Variants in TENM1 observed in about 807,000 individuals in gnomAD.
The protein encoded by TENM1 is teneurin-1.
In TENM1, 35 loss-of-function variants were observed where a neutral mutation model predicts 174.8. The observed-to-expected ratio is 0.20, with a 90% CI of 0.15 to 0.27. The LOEUF is 0.27. Ranked by LOEUF, TENM1 falls within the 10% of genes least tolerant of loss-of-function variation. The pLI is 1.00. For synonymous variants in TENM1, 781 were observed against 798.7 expected (o/e 0.98, Z 0.37); for missense variants, 1,633 against 2,130.1 (o/e 0.77, Z 4.59).
intron 23 of TENM1, among the ~76,000 whole-genome samples, chrX:124,444,517 C>T (rs752000763): frequency 4.5e-5 from 5 of 112,079 alleles, no homozygotes; most frequent in African/African-American, 6.5e-5. Flanking sequence ...TGCAAGCTAC[C>T]ATCACACGGA....
chrX:125,083,949 T>C, the TENM1 span, among the ~76,000 whole-genome samples: 2 of 110,794 alleles, frequency 1.8e-5, no homozygotes, highest in African/African-American at 6.5e-5. Flanking sequence ...GAAGTGAAAG[T>C]GGGGATGCTC....
At chrX:124,755,539 A>C (rs1386824867) in intron 3 of TENM1, among the ~76,000 whole-genome samples, 1 of 110,931 alleles carries the variant, frequency 9.0e-6, no homozygotes, top group Non-Finnish European at 1.9e-5. Context: ...TTATGATGTT[A>C]GCTGGTGATT....
the TENM1 span, among the ~76,000 whole-genome samples, chrX:125,141,909 C>T: frequency 0.095 from 10,521 of 111,081 alleles, 375 homozygotes; most frequent in Middle Eastern, 0.13. Context: ...CCAGACCCTC[C>T]ACTTCCTAGC....
At chrX:124,836,579 G>T (rs111494638) in intron 3 of TENM1, among the ~76,000 whole-genome samples, 393 of 112,261 alleles carry the variant, frequency 3.5e-3, no homozygotes, top group African/African-American at 0.012. Context: ...CTATACCAGT[G>T]TCTTATTTGC....
chrX:124,766,480 G>A (rs1033854683), intron 3 of TENM1, among the ~76,000 whole-genome samples: 2 of 111,250 alleles, frequency 1.8e-5, no homozygotes, highest in Non-Finnish European at 3.8e-5. Flanking sequence ...TGTGGGAAAC[G>A]GTGAGAAAAA....
At chrX:124,517,251 AC>A (rs2148033172) in intron 18 of TENM1, among the ~76,000 whole-genome samples, 1 of 111,029 alleles carries the variant, frequency 9.0e-6, no homozygotes, top group Admixed American at 9.6e-5. Context: ...ACCCTGTGAC[AC>A]GAATTTACCT....
intron 22 of TENM1, among the ~76,000 whole-genome samples, chrX:124,471,373 T>TTA (rs2061319211): frequency 3.0e-5 from 1 of 33,743 alleles, no homozygotes; most frequent in African/African-American, 1.3e-4. Flanking sequence ...GTACTATATA[T>TTA]TATAATATAT....
At position 124,744,076 on chromosome X, in the gene TENM1, G is replaced by A. The variant is rs184864275; in HGVS notation, c.536-6879C>T. 1.2e-4 allele frequency among the ~76,000 whole-genome samples: 13 copies of A among 111,584 alleles called. No individual in the cohort carries two copies. The East Asian group carries it at 3.7e-3, about 31-fold the overall frequency. The stretch of plus-strand genomic sequence containing the variant: ...GTATTGGTTTTACATAGTACAATCA[G>A]CCAACCTCAGGCATAATACTCAATA... On this transcript the variant is annotated intron_variant, in intron 3 of 31. Coordinates refer to ENST00000422452, the Ensembl canonical transcript of TENM1.
chrX:124,867,951 A>G (rs1274108096), intron 3 of TENM1, among the ~76,000 whole-genome samples: 1 of 111,757 alleles, frequency 8.9e-6, no homozygotes, highest in African/African-American at 3.3e-5. Context: ...ATAATGAAAA[A>G]CTATAAAACA....
chrX:124,749,218 C>T (rs2054006695), intron 3 of TENM1, among the ~76,000 whole-genome samples: 1 of 111,492 alleles, frequency 9.0e-6, no homozygotes, highest in Non-Finnish European at 1.9e-5. Flanking sequence ...TGATCAGCTT[C>T]TTTATTATGC....
At chrX:124,959,819 C>T (rs2058628040) in intron 1 of TENM1, among the ~76,000 whole-genome samples, 1 of 111,945 alleles carries the variant, frequency 8.9e-6, no homozygotes. Context: ...TCAACCTCAA[C>T]CAGTAATCAA....
intron 3 of TENM1, among the ~76,000 whole-genome samples, chrX:124,757,691 G>T (rs2054299349): frequency 8.9e-6 from 1 of 112,481 alleles, no homozygotes; most frequent in African/African-American, 3.2e-5. Context: ...ACATAGTGTA[G>T]CACTTCATAG....
intron 27 of TENM1, among the ~76,000 whole-genome samples, chrX:124,401,121 C>T (rs1225380479): frequency 9.0e-6 from 1 of 111,074 alleles, no homozygotes. Flanking sequence ...AGGATCCTGA[C>T]GTTGCATGAA....
chrX:124,431,299 A>C (rs751518263), intron 23 of TENM1, among the ~76,000 whole-genome samples: 2 of 112,286 alleles, frequency 1.8e-5, no homozygotes, highest in Non-Finnish European at 3.8e-5. Flanking sequence ...CAAACATGAC[A>C]CTTCTAATCT....
the TENM1 span, among the ~76,000 whole-genome samples, chrX:125,011,070 C>T: frequency 1.8e-5 from 2 of 111,433 alleles, no homozygotes; most frequent in African/African-American, 6.5e-5. Context: ...CTGACAAAAA[C>T]AAGCAATTGG....
At chrX:124,767,744 C>T (rs2054566732) in intron 3 of TENM1, among the ~76,000 whole-genome samples, 1 of 110,998 alleles carries the variant, frequency 9.0e-6, no homozygotes, top group South Asian at 3.8e-4. Flanking sequence ...TTTTATTCGA[C>T]GACGTGCATA....
intron 6 of TENM1, among the ~76,000 whole-genome samples, chrX:124,667,424 T>C (rs745478584): frequency 9.1e-6 from 1 of 109,657 alleles, no homozygotes; most frequent in African/African-American, 3.3e-5. Flanking sequence ...ACCCCATCTC[T>C]ACTAAAAATA....
chrX:124,564,008 T>G (rs989880871), intron 12 of TENM1, among the ~76,000 whole-genome samples: 1 of 112,319 alleles, frequency 8.9e-6, no homozygotes, highest in Non-Finnish European at 1.9e-5. Context: ...TCATAAAAAG[T>G]GTCATATTTC....
chrX:125,054,495 C>G, the TENM1 span, among the ~76,000 whole-genome samples: 2 of 110,507 alleles, frequency 1.8e-5, no homozygotes, highest in South Asian at 7.8e-4. Context: ...TTAAGTCTGT[C>G]CAAAATATGA....
Sources: allele counts gnomAD v4.1 joint callset (sites outside exome capture counted in the v4.1 genomes callset), GRCh38; gene constraint gnomAD v4.1.1; transcripts MANE v1.5; gene names NCBI Gene and HGNC (gene_info 2026-07-23, HGNC 2026-07-21).